The following ITGA9 variants were observed in gnomAD, a reference collection of about 807,000 sequenced individuals.
ITGA9 encodes the protein integrin subunit alpha 9, also known as integrin alpha-9.
ITGA9 carries 56 observed loss-of-function variants against 127.8 expected under a neutral mutation model. The ratio of observed to expected loss-of-function variants is 0.44; its 90% confidence interval spans 0.35 to 0.55. The LOEUF (loss-of-function observed/expected upper bound fraction) is 0.55. Ranked by LOEUF, ITGA9 falls within the 20% of genes least tolerant of loss-of-function variation. The pLI, the probability that ITGA9 is intolerant of heterozygous loss-of-function variation, is 0.00. For missense variants in ITGA9, 1,196 were observed against 1,347.1 expected (o/e 0.89, Z 1.76); for synonymous variants, 508 against 514.5 (o/e 0.99, Z 0.17).
rs1698205484 is a variant in ITGA9 at position 37,452,500 on chromosome 3, C to T, written c.126C>T (p.Gly42=). 6.6e-7 allele frequency: 1 copy of T among 1,523,094 alleles called. No homozygotes were observed. The highest frequency in any genetic ancestry group is 8.8e-7 in the Non-Finnish European group (1 of 1,135,220). 94.3% of individuals were successfully genotyped at this position (1,523,094 alleles called of 1,614,324 possible). A position where few individuals can be genotyped will look rare whatever the true frequency, so the allele number is the denominator to read the frequency against. The change falls in exon 1 of 28, where the codon GGC becomes GGT. Residue 42 remains glycine, a synonymous_variant. Transcript: ENST00000264741. The surrounding 1 kb of genome is among the most constrained non-coding windows in gnomAD (Gnocchi z 7.3). The part of the protein sequence containing the change: ...LDPQRPVHFQ[G]PADSFFGYAV... ...CGCAGCGCCCCGTGCACTTCCAGGGCCCCGCTGACTCGTTCTTCGGCTACG... is the reference window on the plus strand; with the variant it reads ...CGCAGCGCCCCGTGCACTTCCAGGGTCCCGCTGACTCGTTCTTCGGCTACG...
chr3:37,762,451 G>A (rs572528716), intron 23 of ITGA9, among the ~76,000 whole-genome samples: 87 of 152,310 alleles, frequency 5.7e-4, no homozygotes, highest in African/African-American at 1.8e-3. Context: ...GAAAGAAGGA[G>A]GCTTGGCTAG....
chr3:37,772,067 G>A (rs1235440427), intron 23 of ITGA9, among the ~76,000 whole-genome samples: 1 of 152,140 alleles, frequency 6.6e-6, no homozygotes, highest in Non-Finnish European at 1.5e-5. Flanking sequence ...GCCTCTGGTT[G>A]TAATTGGGCC....
At chr3:37,635,090 G>A (rs1323972538) in intron 16 of ITGA9, among the ~76,000 whole-genome samples, 1 of 152,128 alleles carries the variant, frequency 6.6e-6, no homozygotes, top group East Asian at 1.9e-4. Flanking sequence ...AATGTGGTAG[G>A]ATTTTGAGTA....
chr3:37,698,091 A>G (rs1280522660), intron 18 of ITGA9, among the ~76,000 whole-genome samples: 1 of 152,126 alleles, frequency 6.6e-6, no homozygotes, highest in African/African-American at 2.4e-5. Context: ...GCCAGTGATG[A>G]TGAGCATTTT....
chr3:37,814,569 C>G lies in ITGA9; in HGVS notation c.3010-4322C>G, dbSNP rs6791094. Among the ~76,000 whole-genome samples the G allele has an allele frequency of 0.033, 5,063 of 152,054 alleles. 106 individuals carry two copies. Among genetic ancestry groups the G allele is most frequent in the Middle Eastern group, 0.055 (16 of 292 alleles). ...ACAGAGCGAGACTCCATCCCCCACC[C>G]CCCCAAAAAAGAAACAATATTAGTT... On this transcript the variant is annotated intron_variant, in intron 27 of 27. Transcript: ENST00000264741. This position sits in a 1 kb window ranked among gnomAD's most constrained non-coding sequence, Gnocchi z 4.3.
intron 13 of ITGA9, among the ~76,000 whole-genome samples, 192 bp downstream of exon 13, chr3:37,526,263 T>A (rs910045340): frequency 2.7e-4 from 41 of 152,202 alleles, no homozygotes; most frequent in African/African-American, 9.9e-4. Flanking sequence ...CTTGAATGGC[T>A]TGCAGGTATG....
chr3:37,652,245 C>T (rs1700436058), intron 16 of ITGA9, among the ~76,000 whole-genome samples: 2 of 152,158 alleles, frequency 1.3e-5, no homozygotes, highest in South Asian at 4.1e-4. Flanking sequence ...CTCCCTTTGG[C>T]ACCTTCCCTC....
chr3:37,477,913 A>ATT (rs201494641), intron 3 of ITGA9, among the ~76,000 whole-genome samples: 2 of 130,052 alleles, frequency 1.5e-5, no homozygotes, highest in African/African-American at 5.8e-5. Context: ...CCATCTGTCC[A>ATT]TTTTTTTTTT....
chr3:37,578,879 C>T (rs1699678276), intron 15 of ITGA9, among the ~76,000 whole-genome samples: 1 of 151,828 alleles, frequency 6.6e-6, no homozygotes, highest in African/African-American at 2.4e-5. Flanking sequence ...AAGGTTTAGC[C>T]ATGTATAGTC....
At position 37,513,702 on chromosome 3, in the gene ITGA9, G is replaced by A. The variant is rs1206412586; in HGVS notation, c.898-61G>A. On this transcript the variant is annotated intron_variant, in intron 8 of 27. Transcript: ENST00000264741. ...TAAAGCCAATGGGGTGGAGGAAAGC[G>A]AGGGCATCCTTGTGTGAGAGCAGAC... The A allele has an allele frequency of 1.1e-5, 18 of 1,606,958 alleles. No homozygotes were observed. In the East Asian group the frequency reaches 1.6e-4, roughly 14 times the overall value.
rs543323679 is a variant in ITGA9, at chr3:37,686,139, C to CCTA, written c.2067+2128_2067+2130dup. Among the ~76,000 whole-genome samples, 60 of 151,610 alleles carry CCTA rather than the reference C, an allele frequency of 4.0e-4. No homozygotes were observed. The East Asian group carries it at 0.011, about 27-fold the overall frequency. On this transcript the variant is annotated intron_variant, in intron 18 of 27. Coordinates refer to ENST00000264741, the MANE Select transcript of ITGA9 (RefSeq NM_002207.3). The stretch of plus-strand genomic sequence containing the variant: ...GGGTGTGAAGTCACATTTTTGACCA[C>CCTA]CTACTATACACCAGGGACTTTTTGC...
rs1699576105 is a variant in ITGA9, at chr3:37,569,017, A to C, written c.1689+26432A>C. Among the ~76,000 whole-genome samples, 2 of 152,134 alleles carry C rather than the reference A, an allele frequency of 1.3e-5. 1 individual carries two copies. The highest frequency in any genetic ancestry group is 3.8e-4 in the East Asian group (2 of 5,198). On this transcript the variant is annotated intron_variant, in intron 15 of 27. Transcript: ENST00000264741. ...CGTTTTCACACTGCTGATAAAGACA[A>C]CAATACCCCACTCCTGGTACCAATT...
At chr3:37,669,510 A>G (rs1700616855) in intron 17 of ITGA9, among the ~76,000 whole-genome samples, 1 of 152,196 alleles carries the variant, frequency 6.6e-6, no homozygotes, top group Non-Finnish European at 1.5e-5. Flanking sequence ...GCCTATCCTG[A>G]GATGCGGTAG....
intron 10 of ITGA9, among the ~76,000 whole-genome samples, 196 bp from the exon 11 acceptor site, chr3:37,519,064 C>T (rs558863004): frequency 3.3e-5 from 5 of 149,442 alleles, no homozygotes; most frequent in Admixed American, 6.7e-5. Flanking sequence ...GGATTACAGG[C>T]GTGAGCCACC....
At position 37,629,881 on chromosome 3, in the gene ITGA9, C is replaced by T. The variant is rs978327154; in HGVS notation, c.1839+545C>T. The stretch of plus-strand genomic sequence containing the variant: ...GCTTTAGTGCGATGGGTGTATCACT[C>T]GTATGAAGTAGGAGTGAGCCTGTGC... On this transcript the variant is annotated intron_variant, in intron 16 of 27. Coordinates refer to ENST00000264741, the MANE Select transcript of ITGA9 (RefSeq NM_002207.3). This position sits in a 1 kb window ranked among gnomAD's most constrained non-coding sequence, Gnocchi z 4.5. Among the ~76,000 whole-genome samples the T allele has an allele frequency of 3.9e-5, 6 of 152,136 alleles. No individual in the cohort carries two copies. Among genetic ancestry groups the T allele is most frequent in the Non-Finnish European group, 7.4e-5 (5 of 68,024 alleles).
chr3:37,626,974 C>A (rs1424435289), intron 15 of ITGA9, among the ~76,000 whole-genome samples: 1 of 152,180 alleles, frequency 6.6e-6, no homozygotes, highest in Non-Finnish European at 1.5e-5. Context: ...TCATCCTTCT[C>A]CACACCGCGG....
At chr3:37,739,838 G>A (rs973894056) in intron 20 of ITGA9, among the ~76,000 whole-genome samples, 1 of 152,222 alleles carries the variant, frequency 6.6e-6, no homozygotes, top group Non-Finnish European at 1.5e-5. Context: ...AGTGGGCCAG[G>A]ATGGTGTTAA....
At chr3:37,709,760 T>C (rs973160321) in intron 18 of ITGA9, among the ~76,000 whole-genome samples, 2 of 152,232 alleles carry the variant, frequency 1.3e-5, no homozygotes, top group African/African-American at 2.4e-5. Flanking sequence ...GAGAAGCTTA[T>C]GTGGAAGGAA....
At chr3:37,665,467 T>C (rs1700577798) in intron 17 of ITGA9, among the ~76,000 whole-genome samples, 1 of 152,056 alleles carries the variant, frequency 6.6e-6, no homozygotes, top group Non-Finnish European at 1.5e-5. Context: ...TCTTTTTTTT[T>C]CCGAAAAAGT....
Sources: allele counts gnomAD v4.1 joint callset (sites outside exome capture counted in the v4.1 genomes callset), GRCh38; gene constraint gnomAD v4.1.1; non-coding constraint Gnocchi (gnomAD v3.1); transcripts MANE v1.5; gene names NCBI Gene and HGNC (gene_info 2026-07-23, HGNC 2026-07-21).